The following ROPN1B variants were observed in gnomAD, a reference collection of about 807,000 sequenced individuals.
ROPN1B encodes the protein ropporin-1B.
Under a neutral mutation model 23.7 loss-of-function variants are expected in ROPN1B, and 13 were observed. The ratio of observed to expected loss-of-function variants is 0.55; its 90% CI spans 0.36 to 0.87. ROPN1B has a LOEUF of 0.87. ROPN1B is among the 40% of genes least tolerant of loss of function. The pLI is 0.01. For missense variants in ROPN1B, 183 were observed against 249.2 expected, an observed-to-expected ratio of 0.73 and a Z score of 1.79; for synonymous variants, 67 against 100.4, an observed-to-expected ratio of 0.67 and a Z score of 1.99.
intron 1 of ROPN1B, among the ~76,000 whole-genome samples, chr3:125,970,554 G>A (rs1042818468): frequency 6.6e-6 from 1 of 152,008 alleles, no homozygotes; most frequent in Non-Finnish European, 1.5e-5. Flanking sequence ...CACATTGGGA[G>A]GCATGTTTTG....
At chr3:125,971,797 G>T (rs1376302714) in intron 2 of ROPN1B, among the ~76,000 whole-genome samples, 1 of 151,962 alleles carries the variant, frequency 6.6e-6, no homozygotes, top group Non-Finnish European at 1.5e-5. Flanking sequence ...TTTTTTTGTT[G>T]ACTTCCACTT....
intron 4 of ROPN1B, among the ~76,000 whole-genome samples, chr3:125,976,030 T>A (rs553059128): frequency 6.6e-6 from 1 of 152,158 alleles, no homozygotes; most frequent in Non-Finnish European, 1.5e-5. Context: ...CAATCACAGT[T>A]TGGGGAAGGG....
In ROPN1B at chr3:125,983,349, G is replaced by T; in HGVS notation, c.*29G>T. The stretch of plus-strand genomic sequence containing the variant: ...CACAATTTTGGCAATTTTAAAGGAA[G>T]ATACAGAGGTGATTGTACTTCAGAA... On this transcript the variant is annotated 3_prime_UTR_variant, in exon 7 of 7. Transcript: ENST00000514116. 1 of 1,497,080 alleles carries T rather than the reference G, an allele frequency of 6.7e-7. No homozygotes were observed. The highest frequency in any genetic ancestry group is 1.1e-5 in the South Asian group (1 of 88,492). The allele number at this position is 1,497,080 out of a possible 1,614,324, so 92.7% of individuals were successfully genotyped here. A position where few individuals can be genotyped will look rare whatever the true frequency, so the allele number is the denominator to read the frequency against.
At chr3:125,981,708 A>T (rs1470128016) in intron 5 of ROPN1B, among the ~76,000 whole-genome samples, 1 of 152,166 alleles carries the variant, frequency 6.6e-6, no homozygotes, top group Non-Finnish European at 1.5e-5. Context: ...ATTACGTAAA[A>T]TGAAATAAAG....
intron 6 of ROPN1B, 35 bp downstream of exon 6, chr3:125,982,480 T>C (rs1306011141): frequency 4.5e-6 from 7 of 1,557,846 alleles, no homozygotes; most frequent in Non-Finnish European, 6.1e-6. Flanking sequence ...GGTGAAAGAA[T>C]ACCAGGAAAA....
At chr3:125,974,756 T>C (rs1938343618) in intron 3 of ROPN1B, among the ~76,000 whole-genome samples, 2 of 152,174 alleles carry the variant, frequency 1.3e-5, no homozygotes, top group African/African-American at 4.8e-5. Context: ...AGCAGGCAGA[T>C]TTCACTGAAA....
intron 4 of ROPN1B, among the ~76,000 whole-genome samples, chr3:125,976,008 A>G (rs573537349): frequency 6.6e-6 from 1 of 152,324 alleles, no homozygotes; most frequent in East Asian, 1.9e-4. Context: ...GATCAAGACC[A>G]TAATATGATG....
intron 5 of ROPN1B, among the ~76,000 whole-genome samples, chr3:125,980,567 C>A (rs935672860): frequency 1.3e-5 from 2 of 152,154 alleles, no homozygotes; most frequent in Non-Finnish European, 2.9e-5. Flanking sequence ...TAAAAAGACA[C>A]CCTACTGACT....
At chr3:125,971,373 A>G (rs1938197231) in intron 2 of ROPN1B, among the ~76,000 whole-genome samples, 1 of 152,188 alleles carries the variant, frequency 6.6e-6, no homozygotes, top group Non-Finnish European at 1.5e-5. Flanking sequence ...GCAGAAAAAA[A>G]TCTTTTGATC....
intron 5 of ROPN1B, among the ~76,000 whole-genome samples, chr3:125,978,996 T>C: frequency 6.6e-6 from 1 of 152,176 alleles, no homozygotes; most frequent in Non-Finnish European, 1.5e-5. Context: ...TCTTTCTACT[T>C]CCCTTCTAAA....
chr3:125,981,084 T>A (rs1332508765), intron 5 of ROPN1B, among the ~76,000 whole-genome samples: 1 of 152,150 alleles, frequency 6.6e-6, no homozygotes, highest in Non-Finnish European at 1.5e-5. Flanking sequence ...AAAATAACAA[T>A]GCTTACTAAA....
chr3:125,979,096 C>T (rs1938521725), intron 5 of ROPN1B, among the ~76,000 whole-genome samples: 1 of 152,172 alleles, frequency 6.6e-6, no homozygotes, highest in South Asian at 2.1e-4. Context: ...CTCTGAGACA[C>T]CCTCAGGCCT....
chr3:125,970,973 T>G lies in ROPN1B; in HGVS notation c.-58-144T>G, dbSNP rs192359961. The G allele has an allele frequency of 6.2e-4, 96 of 153,830 alleles. 1 individual carries two copies. Among genetic ancestry groups the G allele is most frequent in the African/African-American group, 2.2e-3 (92 of 41,536 alleles). 9.5% of individuals were successfully genotyped at this position (153,830 alleles called of 1,614,324 possible). ...TTTCTTTGTTGCTTACCCCAGCCTG[T>G]AGGCAGATATTTTCAGCCACACCTT... On this transcript the variant is annotated intron_variant, in intron 1 of 6. Coordinates refer to ENST00000514116, the MANE Select transcript of ROPN1B (RefSeq NM_001308313.2).
chr3:125,980,978 T>C (rs544360207), intron 5 of ROPN1B, among the ~76,000 whole-genome samples: 1 of 152,084 alleles, frequency 6.6e-6, no homozygotes, highest in African/African-American at 2.4e-5. Context: ...ATTTCCATGA[T>C]AGGACCCCCA....
intron 5 of ROPN1B, among the ~76,000 whole-genome samples, chr3:125,980,358 C>CT (rs1938570179): frequency 6.6e-6 from 1 of 152,186 alleles, no homozygotes. Flanking sequence ...TTTGTTAGGG[C>CT]TGCCATGACT....
chr3:125,969,950 T>C (rs375319808), intron 1 of ROPN1B: 3 of 150,866 alleles, frequency 2.0e-5, no homozygotes, highest in East Asian at 3.9e-4. Context: ...TAGCACTTCA[T>C]AGACTCCTAT....
At chr3:125,983,105 C>T (rs12496921) in intron 6 of ROPN1B, 149 bp from the exon 7 acceptor site, 50 of 621,048 alleles carry the variant, frequency 8.1e-5, no homozygotes, top group African/African-American at 7.6e-4. Flanking sequence ...CCAGCCTGGA[C>T]GACAGAGCCA....
Position 125,983,410 on chromosome 3 carries a change from TG to T in ROPN1B, c.*91del. The T allele has an allele frequency of 1.2e-6, 1 of 854,156 alleles. No homozygotes were observed. Among genetic ancestry groups the T allele is most frequent in the East Asian group, 2.4e-5 (1 of 40,934 alleles). The allele number at this position is 854,156 out of a possible 1,614,324, so 52.9% of individuals were successfully genotyped here. ...ATATACCACCTAAAATCAATTTTCT[TG>T]TACAACTGGTACACACTAATAAACA... On this transcript the variant is annotated 3_prime_UTR_variant, in exon 7 of 7. Coordinates refer to ENST00000514116, the MANE Select transcript of ROPN1B (RefSeq NM_001308313.2).
chr3:125,979,490 G>T, intron 5 of ROPN1B, among the ~76,000 whole-genome samples: 1 of 152,158 alleles, frequency 6.6e-6, no homozygotes, highest in South Asian at 2.1e-4. Context: ...TCCACCAAGT[G>T]AGGACACATA....
Sources: gnomAD v4.1 joint callset for allele counts (sites outside exome capture counted in the v4.1 genomes callset) on GRCh38, gnomAD v4.1.1 for gene constraint, MANE v1.5 for transcripts, NCBI Gene and HGNC (gene_info 2026-07-23, HGNC 2026-07-21) for gene names.